The following CSMD1 variants were observed in gnomAD, a reference collection of about 807,000 sequenced individuals.
CSMD1 encodes CUB and sushi domain-containing protein 1.
CSMD1 carries 213 observed loss-of-function variants against 417.5 expected under a neutral mutation model. The observed-to-expected ratio is 0.51, with a 90% CI of 0.46 to 0.57. The LOEUF is 0.57. CSMD1 is among the 20% of genes least tolerant of loss of function. The probability of loss-of-function intolerance (pLI) is 0.00; values close to 1 mark genes in which losing one functional copy is unlikely to be tolerated. For synonymous variants in CSMD1, 2,862 were observed against 1,736.8 expected, an observed-to-expected ratio of 1.65 and a Z score of -16.11; for missense variants, 6,923 against 4,529.7, an observed-to-expected ratio of 1.53 and a Z score of -15.17.
intron 3 of CSMD1, among the ~76,000 whole-genome samples, chr8:4,038,534 A>C (rs1376318280): frequency 2.6e-5 from 4 of 152,202 alleles, no homozygotes; most frequent in African/African-American, 9.6e-5. Context: ...ATTTTAACTG[A>C]ATTTTAACCA....
chr8:4,895,440 A>T (rs932247947), intron 1 of CSMD1, among the ~76,000 whole-genome samples: 6 of 152,138 alleles, frequency 3.9e-5, no homozygotes, highest in African/African-American at 7.2e-5. Context: ...ATTTTCTGTG[A>T]TATCAACATT....
At chr8:3,763,214 A>G (rs529134390) in intron 5 of CSMD1, among the ~76,000 whole-genome samples, 1 of 152,310 alleles carries the variant, frequency 6.6e-6, no homozygotes, top group East Asian at 1.9e-4. Context: ...AGAAATGACT[A>G]TATGAAACCC....
intron 11 of CSMD1, among the ~76,000 whole-genome samples, chr8:3,480,966 C>T (rs933029807): frequency 1.3e-5 from 2 of 151,626 alleles, no homozygotes; most frequent in South Asian, 2.1e-4. Context: ...ACTATCCTGG[C>T]TAACATAGTG....
At chr8:4,726,869 G>C (rs577402185) in intron 1 of CSMD1, among the ~76,000 whole-genome samples, 97 of 152,168 alleles carry the variant, frequency 6.4e-4, no homozygotes, top group African/African-American at 2.2e-3. Context: ...ATAGTATTGA[G>C]TTTCAAAAAC....
chr8:3,293,003 G>C (rs1345595987), intron 25 of CSMD1, among the ~76,000 whole-genome samples: 12 of 152,092 alleles, frequency 7.9e-5, no homozygotes, highest in East Asian at 5.8e-4. Context: ...CCTTCAGGAG[G>C]TCTTTTAGGG....
intron 10 of CSMD1, among the ~76,000 whole-genome samples, chr8:3,539,840 G>T (rs1203258630): frequency 1.3e-5 from 2 of 151,862 alleles, no homozygotes; most frequent in South Asian, 4.1e-4. Flanking sequence ...AGGTGCCGTG[G>T]AAAATCTGGT....
chr8:4,740,036 A>T (rs2116999776), intron 1 of CSMD1, among the ~76,000 whole-genome samples: 1 of 152,100 alleles, frequency 6.6e-6, no homozygotes, highest in East Asian at 2.0e-4. Flanking sequence ...CTGGCAGAGG[A>T]ATGCCACAGC....
chr8:4,675,638 G>T (rs1444574332), intron 1 of CSMD1, among the ~76,000 whole-genome samples: 1 of 152,160 alleles, frequency 6.6e-6, no homozygotes, highest in African/African-American at 2.4e-5. Context: ...AAAAAAGTAA[G>T]CAGGATATCT....
intron 1 of CSMD1, among the ~76,000 whole-genome samples, chr8:4,841,930 A>AAAAAAAACAAAAAACAAAAC (rs1800865126): frequency 4.9e-5 from 6 of 122,426 alleles, no homozygotes; most frequent in African/African-American, 1.7e-4. Context: ...AAAAAAAAAA[A>AAAAAAAACAAAAAACAAAAC]AAAAAAAAGT....
chr8:3,455,178 C>T (rs1029455532), intron 12 of CSMD1, among the ~76,000 whole-genome samples: 4 of 152,082 alleles, frequency 2.6e-5, no homozygotes, highest in African/African-American at 7.2e-5. Flanking sequence ...CCTTTAAGGA[C>T]TTCTCTGCAT....
At chr8:4,847,238 G>C (rs1183861835) in intron 1 of CSMD1, among the ~76,000 whole-genome samples, 1 of 152,106 alleles carries the variant, frequency 6.6e-6, no homozygotes, top group African/African-American at 2.4e-5. Context: ...GTAATAATGC[G>C]TTTGATGATG....
chr8:4,284,702 T>G (rs1796965942), intron 3 of CSMD1, among the ~76,000 whole-genome samples: 1 of 151,984 alleles, frequency 6.6e-6, no homozygotes, highest in African/African-American at 2.4e-5. Flanking sequence ...ACACTAAAAT[T>G]TGGATTTCTA....
chr8:3,967,011 G>A (rs56322849), intron 5 of CSMD1, among the ~76,000 whole-genome samples: 2,423 of 152,170 alleles, frequency 0.016, 69 homozygotes, highest in African/African-American at 0.055. Context: ...GTGTCAATTG[G>A]TGAAATAATC....
chr8:4,644,275 G>C (rs575290202), intron 1 of CSMD1, among the ~76,000 whole-genome samples: 1 of 152,232 alleles, frequency 6.6e-6, no homozygotes, highest in African/African-American at 2.4e-5. Context: ...GAACATGTGG[G>C]TCCAGCTACC....
chr8:3,721,093 G>A (rs915104886), intron 6 of CSMD1, among the ~76,000 whole-genome samples: 1 of 152,152 alleles, frequency 6.6e-6, no homozygotes, highest in Non-Finnish European at 1.5e-5. Context: ...AAAGTGCTGG[G>A]ATTACAGGTG....
chr8:3,738,996 A>T (rs1584927444), intron 6 of CSMD1, among the ~76,000 whole-genome samples: 1 of 152,172 alleles, frequency 6.6e-6, no homozygotes, highest in Non-Finnish European at 1.5e-5. Context: ...CTATTCAGAG[A>T]TATATATTGT....
At chr8:3,274,358 A>T (rs2117173916) in intron 26 of CSMD1, among the ~76,000 whole-genome samples, 1 of 152,222 alleles carries the variant, frequency 6.6e-6, no homozygotes, top group African/African-American at 2.4e-5. Flanking sequence ...CTATGTGGTC[A>T]ATTTTGGAGT....
intron 3 of CSMD1, among the ~76,000 whole-genome samples, chr8:4,148,078 T>G (rs1796362017): frequency 6.6e-6 from 1 of 152,052 alleles, no homozygotes; most frequent in African/African-American, 2.4e-5. Context: ...AGGAAGACTT[T>G]TCTCTTGAAA....
chr8:4,688,455 C>A (rs973828801), intron 1 of CSMD1, among the ~76,000 whole-genome samples: 12 of 152,120 alleles, frequency 7.9e-5, no homozygotes, highest in Non-Finnish European at 1.8e-4. Context: ...CGGGTCCCTG[C>A]TGCCAGCAGG....
Sources: allele counts gnomAD v4.1 joint callset (sites outside exome capture counted in the v4.1 genomes callset), GRCh38; gene constraint gnomAD v4.1.1; transcripts MANE v1.5; gene names NCBI Gene and HGNC (gene_info 2026-07-23, HGNC 2026-07-21).